The following PTPN3 variants were observed in gnomAD, a reference collection of about 807,000 sequenced individuals.
The protein encoded by PTPN3 is protein tyrosine phosphatase non-receptor type 3, also known as tyrosine-protein phosphatase non-receptor type 3.
In PTPN3, 96 loss-of-function variants were observed where a neutral mutation model predicts 132.7. The ratio of observed to expected loss-of-function variants is 0.72; its 90% CI spans 0.61 to 0.86. PTPN3 has a LOEUF of 0.86. Ranked by LOEUF, PTPN3 falls within the 40% of genes least tolerant of loss-of-function variation. The pLI, the probability that PTPN3 is intolerant of heterozygous loss-of-function variation, is 0.00. For synonymous variants in PTPN3, 398 were observed against 429.0 expected (o/e 0.93, Z 0.89); for missense variants, 1,125 against 1,159.6 (o/e 0.97, Z 0.43).
chr9:109,451,273 A>T, intron 5 of PTPN3: 2 of 985,218 alleles, frequency 2.0e-6, no homozygotes, highest in Non-Finnish European at 2.4e-6. Context: ...CAGCTCTATA[A>T]GAGTTATGGG....
rs537620891 is a variant in PTPN3 at position 109,489,468 on chromosome 9, C to T, written c.-18+8751G>A. On this transcript the variant is annotated intron_variant, in intron 1 of 25. Coordinates refer to ENST00000374541, the MANE Select transcript of PTPN3 (RefSeq NM_002829.4). ...GCTCACCCTGCACTGATCTCAACCT[C>T]GAAGTCACTCTTAAATCCGGACGTG... is the stretch of plus-strand genomic sequence containing the variant. Among the ~76,000 whole-genome samples, 17 of 152,284 alleles carry T rather than the reference C, an allele frequency of 1.1e-4. No homozygotes were observed. The East Asian group carries it at 2.9e-3, about 26-fold the overall frequency.
Position 109,457,289 on chromosome 9 carries a change from T to TA in PTPN3, c.246+2dup. The TA allele has an allele frequency of 5.6e-6, 9 of 1,613,452 alleles. No individual in the cohort carries two copies. Among genetic ancestry groups the TA allele is most frequent in the Non-Finnish European group, 7.6e-6 (9 of 1,179,422 alleles). On this transcript the variant is annotated splice_region_variant and intron_variant, in intron 3 of 25. Transcript: ENST00000374541. ...CAGCACATTTTTTAAAAATGGCACT[T>TA]ACAGGAGAGTCCACGGAGTCGTCAT...
the PTPN3 span, among the ~76,000 whole-genome samples, chr9:109,524,236 C>A: frequency 6.6e-6 from 1 of 151,866 alleles, no homozygotes; most frequent in East Asian, 1.9e-4. Context: ...AGAGTGGGAC[C>A]TTGTCTCAAA....
At chr9:109,530,346 A>C in the PTPN3 span, among the ~76,000 whole-genome samples, 1 of 152,170 alleles carries the variant, frequency 6.6e-6, no homozygotes, top group African/African-American at 2.4e-5. Context: ...TGATTGCCTT[A>C]TTTAACTTAG....
chr9:109,391,353 A>C, intron 20 of PTPN3, 118 bp downstream of exon 20: 1 of 1,296,592 alleles, frequency 7.7e-7, no homozygotes, highest in Non-Finnish European at 1.1e-6. Flanking sequence ...GCTGCAATAA[A>C]GACGGTGGTG....
chr9:109,534,675 G>T, the PTPN3 span, among the ~76,000 whole-genome samples: 3 of 148,830 alleles, frequency 2.0e-5, no homozygotes, highest in East Asian at 4.0e-4. Flanking sequence ...GGTAGCTTGC[G>T]CCTGTAATCC....
Position 109,480,241 on chromosome 9 carries a change from T to A in PTPN3, c.-17-16790A>T, listed in dbSNP as rs1055935183. ...CAGGCTGGAGGGCAGTAGCACCATC[T>A]TGGCTCAGTGTAACCTGTGTCTCCC... On this transcript the variant is annotated intron_variant, in intron 1 of 25. Transcript: ENST00000374541. 5.9e-5 allele frequency among the ~76,000 whole-genome samples: 9 copies of A among 152,200 alleles called. No homozygotes were observed. In the East Asian group the frequency reaches 1.7e-3, roughly 29 times the overall value.
chr9:109,462,648 T>C (rs1024153637), intron 2 of PTPN3, among the ~76,000 whole-genome samples: 17 of 151,984 alleles, frequency 1.1e-4, no homozygotes, highest in African/African-American at 3.9e-4. Flanking sequence ...ATGGTCCCAG[T>C]ATCTTCCTGC....
At chr9:109,449,248 G>A (rs1336733742) in intron 5 of PTPN3, 4 of 1,030,128 alleles carry the variant, frequency 3.9e-6, no homozygotes, top group Non-Finnish European at 4.6e-6. Context: ...ACACTGGCAG[G>A]GCCACTGTTC....
chr9:109,524,561 G>A, the PTPN3 span, among the ~76,000 whole-genome samples: 5 of 152,222 alleles, frequency 3.3e-5, no homozygotes, highest in African/African-American at 1.2e-4. Context: ...ATAATAAATG[G>A]TAACTGCAAA....
At chr9:109,380,214 A>T (rs1838929042) in intron 25 of PTPN3, among the ~76,000 whole-genome samples, 2 of 145,790 alleles carry the variant, frequency 1.4e-5, no homozygotes, top group Non-Finnish European at 3.0e-5. Context: ...CAGCTAGGAA[A>T]ATCTATCTAT....
intron 19 of PTPN3, among the ~76,000 whole-genome samples, chr9:109,392,358 A>C (rs1840197016): frequency 6.6e-6 from 1 of 150,758 alleles, no homozygotes; most frequent in Admixed American, 6.6e-5. Flanking sequence ...TTAAAAACAC[A>C]GTTTTTTCAG....
chr9:109,436,853 T>C (rs760578732), intron 9 of PTPN3, 30 bp downstream of exon 9: 20 of 1,589,672 alleles, frequency 1.3e-5, no homozygotes, highest in Non-Finnish European at 4.3e-6. Context: ...AAACATAATG[T>C]TTGAGCCAAG....
chr9:109,438,905 G>T (rs905854180), intron 7 of PTPN3, among the ~76,000 whole-genome samples: 4 of 152,216 alleles, frequency 2.6e-5, no homozygotes, highest in Admixed American at 2.0e-4. Flanking sequence ...GGAGTCAGAA[G>T]ATATGAAGAG....
At chr9:109,524,526 G>A in the PTPN3 span, among the ~76,000 whole-genome samples, 1 of 152,170 alleles carries the variant, frequency 6.6e-6, no homozygotes, top group Non-Finnish European at 1.5e-5. Flanking sequence ...CTGCCTCCCT[G>A]TGTAGGGATA....
chr9:109,431,226 C>G (rs1028700362), intron 10 of PTPN3, among the ~76,000 whole-genome samples: 5 of 152,248 alleles, frequency 3.3e-5, no homozygotes, highest in Non-Finnish European at 7.3e-5. Context: ...CTTCTGTTCA[C>G]AAACCTGCTT....
intron 19 of PTPN3, among the ~76,000 whole-genome samples, chr9:109,402,213 ATGAATGAGTTTTAC>A (rs1400150760): frequency 8.5e-5 from 13 of 152,162 alleles, no homozygotes; most frequent in Non-Finnish European, 4.4e-5. Context: ...GTGTGAAAAT[ATGAATGAGTTTTAC>A]TGCTCAAAAT....
the PTPN3 span, among the ~76,000 whole-genome samples, chr9:109,523,179 C>T: frequency 1.3e-5 from 2 of 149,998 alleles, no homozygotes; most frequent in South Asian, 2.1e-4. Flanking sequence ...TGCAGTGGTG[C>T]GATCTTGGCT....
intron 12 of PTPN3, among the ~76,000 whole-genome samples, chr9:109,423,069 C>T (rs1172071296): frequency 6.6e-6 from 1 of 152,166 alleles, no homozygotes; most frequent in Non-Finnish European, 1.5e-5. Context: ...CCTTTCTTGT[C>T]CTCACTACTC....
Sources: gnomAD v4.1 joint callset for allele counts (sites outside exome capture counted in the v4.1 genomes callset) on GRCh38, gnomAD v4.1.1 for gene constraint, MANE v1.5 for transcripts, NCBI Gene and HGNC (gene_info 2026-07-23, HGNC 2026-07-21) for gene names.